Variants in CTNNA3 observed in about 807,000 individuals in gnomAD.
CTNNA3 encodes catenin alpha 3, also known as catenin alpha-3.
In CTNNA3, 76 loss-of-function variants were observed where a neutral mutation model predicts 95.7. That is an observed-to-expected ratio of 0.79 (90% CI 0.66 to 0.96). The LOEUF is 0.96. Ranked by LOEUF, CTNNA3 falls within the 40% of genes least tolerant of loss-of-function variation. The probability of loss-of-function intolerance (pLI) is 0.00; values close to 1 mark genes in which losing one functional copy is unlikely to be tolerated. For synonymous variants in CTNNA3, 431 were observed against 374.4 expected (o/e 1.15, Z -1.74); for missense variants, 1,191 against 1,089.8 (o/e 1.09, Z -1.31).
At chr10:67,252,671 G>A (rs571735178) in intron 5 of CTNNA3, among the ~76,000 whole-genome samples, 1 of 152,112 alleles carries the variant, frequency 6.6e-6, no homozygotes, top group Non-Finnish European at 1.5e-5. Context: ...GTGACATACC[G>A]TTAGGCTACT....
At chr10:66,130,505 C>T (rs2083036912) in intron 13 of CTNNA3, among the ~76,000 whole-genome samples, 1 of 150,386 alleles carries the variant, frequency 6.6e-6, no homozygotes, top group Non-Finnish European at 1.5e-5. Context: ...TCCAAGCAAA[C>T]ACGATCAGAA....
At chr10:66,138,274 G>C (rs1157088843) in intron 13 of CTNNA3, among the ~76,000 whole-genome samples, 1 of 152,002 alleles carries the variant, frequency 6.6e-6, no homozygotes, top group East Asian at 1.9e-4. Flanking sequence ...CAAGAATCTG[G>C]CAATTTACTT....
At chr10:66,076,248 A>T (rs558327695) in intron 14 of CTNNA3, among the ~76,000 whole-genome samples, 1 of 151,828 alleles carries the variant, frequency 6.6e-6, no homozygotes, top group African/African-American at 2.4e-5. Context: ...TTTTTAATAC[A>T]TCAAAAGTAT....
At chr10:66,888,918 G>A (rs554135141) in intron 7 of CTNNA3, among the ~76,000 whole-genome samples, 22 of 152,258 alleles carry the variant, frequency 1.4e-4, no homozygotes, top group African/African-American at 4.1e-4. Context: ...ACCTACACAC[G>A]GATGTGTATA....
chr10:67,149,065 C>T (rs945654327), intron 7 of CTNNA3, among the ~76,000 whole-genome samples: 3 of 152,238 alleles, frequency 2.0e-5, no homozygotes, highest in Admixed American at 6.5e-5. Flanking sequence ...GCAAGAAAAG[C>T]AGGGGCCTGA....
intron 1 of CTNNA3, among the ~76,000 whole-genome samples, chr10:67,670,306 T>G (rs1475532263): frequency 2.0e-5 from 3 of 152,246 alleles, no homozygotes; most frequent in Non-Finnish European, 4.4e-5. Flanking sequence ...TCTATTTTAC[T>G]CATGTCTTTC....
chr10:66,564,001 G>A (rs114814866), intron 10 of CTNNA3, among the ~76,000 whole-genome samples: 7,629 of 151,946 alleles, frequency 0.05, 246 homozygotes, highest in African/African-American at 0.075. Flanking sequence ...ATAAAACCAA[G>A]CTGTACCTCC....
intron 1 of CTNNA3, among the ~76,000 whole-genome samples, chr10:67,691,651 C>A (rs1430270299): frequency 1.3e-5 from 2 of 151,762 alleles, no homozygotes; most frequent in Non-Finnish European, 2.9e-5. Context: ...AGCCCCTCCG[C>A]CCGGCAGCCG....
chr10:67,180,582 A>G, intron 6 of CTNNA3, 62 bp from the exon 7 acceptor site: 1 of 1,384,190 alleles, frequency 7.2e-7, no homozygotes. Context: ...ATGAAAAACA[A>G]ATGTTATTTT....
chr10:67,060,102 G>A (rs1221330472), intron 7 of CTNNA3, among the ~76,000 whole-genome samples: 1 of 152,076 alleles, frequency 6.6e-6, no homozygotes, highest in Non-Finnish European at 1.5e-5. Flanking sequence ...GATCACTTGA[G>A]CCTAGGATTT....
At chr10:67,476,552 A>G (rs1270441117) in intron 5 of CTNNA3, among the ~76,000 whole-genome samples, 2 of 151,834 alleles carry the variant, frequency 1.3e-5, no homozygotes, top group Non-Finnish European at 2.9e-5. Flanking sequence ...ATACCCAGGC[A>G]TATCTCCAGG....
intron 12 of CTNNA3, among the ~76,000 whole-genome samples, chr10:66,323,090 G>A (rs186378735): frequency 3.9e-5 from 6 of 151,966 alleles, no homozygotes; most frequent in African/African-American, 1.2e-4. Flanking sequence ...TAAACCTGCA[G>A]CACAAAAGCC....
intron 7 of CTNNA3, among the ~76,000 whole-genome samples, chr10:66,853,873 TA>T (rs1339852233): frequency 1.3e-5 from 2 of 152,106 alleles, no homozygotes; most frequent in Non-Finnish European, 1.5e-5. Flanking sequence ...AGTGTTCCCT[TA>T]ATGATTACAA....
chr10:66,780,229 A>C (rs1004659300), intron 7 of CTNNA3, among the ~76,000 whole-genome samples: 1 of 152,146 alleles, frequency 6.6e-6, no homozygotes, highest in African/African-American at 2.4e-5. Context: ...TGAATGATAC[A>C]ATCAGTCCAT....
chr10:67,307,924 A>C (rs1374687464), intron 5 of CTNNA3, among the ~76,000 whole-genome samples: 1 of 152,192 alleles, frequency 6.6e-6, no homozygotes, highest in African/African-American at 2.4e-5. Flanking sequence ...TAACACACAA[A>C]AAGAAAGAGT....
At chr10:66,990,848 T>C (rs572160323) in intron 7 of CTNNA3, among the ~76,000 whole-genome samples, 1 of 152,308 alleles carries the variant, frequency 6.6e-6, no homozygotes, top group South Asian at 2.1e-4. Flanking sequence ...ATTTCACTAG[T>C]ATCATGGGCA....
intron 9 of CTNNA3, among the ~76,000 whole-genome samples, chr10:66,685,562 C>T (rs1460612684): frequency 1.3e-5 from 2 of 149,660 alleles, no homozygotes; most frequent in African/African-American, 4.9e-5. Flanking sequence ...TTAGTAGAGA[C>T]AGGGTTTCAC....
Position 67,043,683 on chromosome 10 carries a change from C to A in CTNNA3, c.1047+136634G>T, listed in dbSNP as rs151228053. ...TGCAGTAATGCCTACCCTTTAATCT[C>A]CCACTGCTCCTAAAAAGGAATCATC... On this transcript the variant is annotated intron_variant, in intron 7 of 17. Transcript: ENST00000433211. 9.1e-4 allele frequency among the ~76,000 whole-genome samples: 138 copies of A among 152,218 alleles called. 3 individuals are homozygous for A. Among genetic ancestry groups the A allele is most frequent in the African/African-American group, 3.2e-3 (134 of 41,546 alleles).
At chr10:66,014,113 T>G (rs2133401005) in intron 15 of CTNNA3, among the ~76,000 whole-genome samples, 1 of 152,234 alleles carries the variant, frequency 6.6e-6, no homozygotes, top group Non-Finnish European at 1.5e-5. Context: ...CATAATTTTT[T>G]TTTTTTATTT....
Sources: gnomAD v4.1 joint callset for allele counts (sites outside exome capture counted in the v4.1 genomes callset) on GRCh38, gnomAD v4.1.1 for gene constraint, MANE v1.5 for transcripts, NCBI Gene and HGNC (gene_info 2026-07-23, HGNC 2026-07-21) for gene names.